Variants in XKR6 observed in about 807,000 individuals in gnomAD.
XKR6 encodes the protein XK related 6.
A neutral mutation model predicts 56.7 loss-of-function variants in XKR6; 22 were observed. The observed-to-expected ratio is 0.39, with a 90% CI of 0.28 to 0.55. XKR6 has a LOEUF of 0.55. Ranked by LOEUF, XKR6 falls within the 20% of genes least tolerant of loss-of-function variation. The probability of loss-of-function intolerance (pLI) is 0.66; values close to 1 mark genes in which losing one functional copy is unlikely to be tolerated. For synonymous variants in XKR6, 524 were observed against 387.8 expected (o/e 1.35, Z -4.13); for missense variants, 852 against 889.0 (o/e 0.96, Z 0.53).
chr8:11,051,217 T>G (rs1799539385), intron 1 of XKR6, among the ~76,000 whole-genome samples: 1 of 152,072 alleles, frequency 6.6e-6, no homozygotes, highest in South Asian at 2.1e-4. Context: ...TCTTCCTGGT[T>G]TGCTTCTAGC....
chr8:11,058,767 T>C (rs1243590618), intron 1 of XKR6, among the ~76,000 whole-genome samples: 1 of 152,122 alleles, frequency 6.6e-6, no homozygotes, highest in Non-Finnish European at 1.5e-5. Flanking sequence ...GGCGGGTTGA[T>C]AGGTGCAACA....
At chr8:11,148,773 A>C (rs1487853512) in intron 1 of XKR6, among the ~76,000 whole-genome samples, 1 of 152,252 alleles carries the variant, frequency 6.6e-6, no homozygotes, top group Non-Finnish European at 1.5e-5. Flanking sequence ...TGCAGACAAC[A>C]CAAGTATCCA....
intron 1 of XKR6, among the ~76,000 whole-genome samples, chr8:11,171,037 T>C (rs1177023953): frequency 6.6e-6 from 1 of 152,246 alleles, no homozygotes; most frequent in African/African-American, 2.4e-5. Flanking sequence ...TTAGAAATCA[T>C]GAAAAAGAAC....
At chr8:11,096,499 T>C (rs1243152867) in intron 1 of XKR6, among the ~76,000 whole-genome samples, 10 of 152,262 alleles carry the variant, frequency 6.6e-5, no homozygotes. Context: ...ATTAGAATAC[T>C]GCACAACGAA....
At chr8:11,100,916 G>A (rs1402071148) in intron 1 of XKR6, among the ~76,000 whole-genome samples, 2 of 152,196 alleles carry the variant, frequency 1.3e-5, no homozygotes, top group African/African-American at 4.8e-5. Context: ...CCGGGGGCAT[G>A]CACTTTATGG....
intron 1 of XKR6, among the ~76,000 whole-genome samples, chr8:11,152,809 A>G (rs912502036): frequency 5.9e-5 from 9 of 152,212 alleles, no homozygotes; most frequent in Non-Finnish European, 8.8e-5. Flanking sequence ...ATAAACAAAT[A>G]TAATTATCCA....
rs139655402 is a variant in XKR6 at position 11,144,878 on chromosome 8, A to AGAGAAGGGGAAGGGGAAG, written c.764+55680_764+55697dup. 8.9e-5 allele frequency among the ~76,000 whole-genome samples: 13 copies of AGAGAAGGGGAAGGGGAAG among 146,136 alleles called. No homozygotes were observed. The South Asian group carries it at 1.4e-3, about 15-fold the overall frequency. ...AAGGGAGGGGTAGGGAGGGGAAAGG[A>AGAGAAGGGGAAGGGGAAG]GAGAAGGGGAAGGGGAAGGAGAAGG... On this transcript the variant is annotated intron_variant, in intron 1 of 2. Coordinates refer to ENST00000416569, the MANE Select transcript of XKR6 (RefSeq NM_173683.4).
chr8:11,038,338 G>C (rs766939180), intron 1 of XKR6, among the ~76,000 whole-genome samples: 1 of 152,186 alleles, frequency 6.6e-6, no homozygotes, highest in African/African-American at 2.4e-5. Flanking sequence ...TAAGGAGTCT[G>C]AGTCCTTATG....
rs189231758 is a variant in XKR6, at chr8:10,972,482, T to G, written c.765-47652A>C. Among the ~76,000 whole-genome samples the G allele has an allele frequency of 6.7e-4, 102 of 152,318 alleles. 1 individual carries two copies. The highest frequency in any genetic ancestry group is 2.4e-3 in the African/African-American group (99 of 41,560). Reference sequence around the variant, plus strand: ...AAGCTTGCTAATGGGCACTCCCGACTGAAGAATGGATGGCTGAGCAAAATC... The same window carrying G: ...AAGCTTGCTAATGGGCACTCCCGACGGAAGAATGGATGGCTGAGCAAAATC... On this transcript the variant is annotated intron_variant, in intron 1 of 2. Transcript: ENST00000416569.
At chr8:11,001,930 C>T (rs1798248791) in intron 1 of XKR6, among the ~76,000 whole-genome samples, 1 of 152,136 alleles carries the variant, frequency 6.6e-6, no homozygotes, top group African/African-American at 2.4e-5. Flanking sequence ...CCCACCATAC[C>T]CGTTGCTCCC....
intron 1 of XKR6, among the ~76,000 whole-genome samples, chr8:11,179,110 G>A (rs1342577618): frequency 1.4e-5 from 2 of 145,062 alleles, no homozygotes; most frequent in Non-Finnish European, 3.0e-5. Context: ...TCCCGCATCA[G>A]CCTCCCAAAG....
chr8:11,091,939 T>C (rs1798085496), intron 1 of XKR6, among the ~76,000 whole-genome samples: 1 of 152,208 alleles, frequency 6.6e-6, no homozygotes, highest in South Asian at 2.1e-4. Flanking sequence ...AAGCGTTATA[T>C]TTCTTATACA....
chr8:11,112,787 A>G (rs933902245), intron 1 of XKR6, among the ~76,000 whole-genome samples: 4 of 152,230 alleles, frequency 2.6e-5, no homozygotes, highest in Non-Finnish European at 4.4e-5. Flanking sequence ...CCAGATTTCC[A>G]TGGCCAGCTT....
At chr8:11,035,060 AT>A in intron 1 of XKR6, 1 of 406,798 alleles carries the variant, frequency 2.5e-6, no homozygotes, top group Non-Finnish European at 5.1e-6. Context: ...CCAGTTACTG[AT>A]TCTTTCTGAG....
At chr8:11,085,354 T>C (rs572723014) in intron 1 of XKR6, among the ~76,000 whole-genome samples, 1 of 152,258 alleles carries the variant, frequency 6.6e-6, no homozygotes, top group East Asian at 1.9e-4. Flanking sequence ...TGGGGTGCGG[T>C]TGCTGCTCTC....
At chr8:11,042,829 C>A (rs562744073) in intron 1 of XKR6, among the ~76,000 whole-genome samples, 20 of 152,364 alleles carry the variant, frequency 1.3e-4, no homozygotes, top group African/African-American at 4.8e-4. Flanking sequence ...CCTTCCATGG[C>A]CCCTGCCTTG....
Position 10,898,850 on chromosome 8 carries a change from C to T in XKR6, c.1028G>A (p.Arg343Gln), listed in dbSNP as rs1799958467. The T allele has an allele frequency of 3.7e-6, 6 of 1,614,048 alleles. No homozygotes were observed. The highest frequency in any genetic ancestry group is 4.2e-6 in the Non-Finnish European group (5 of 1,179,998). The change falls in exon 3 of 3, where the codon CGG (arginine) becomes CAG (glutamine). Residue 343 changes from arginine to glutamine, a missense_variant. Physicochemically the swap from Arg to Gln is conservative, Grantham distance 43 (BLOSUM62 1). This residue lies in a region of XKR6 where 199 missense variants were observed against 280.4 expected (regional missense o/e 0.71). Transcript: ENST00000416569. This position sits in a 1 kb window ranked among gnomAD's most constrained non-coding sequence, Gnocchi z 6.6. The stretch of plus-strand genomic sequence containing the variant: ...GCTCTTCTTGTCGTCCCTGGAGTCC[C>T]GCAGCAGCTTGTGATAGGAGGCTAG... Reference protein sequence around the residue: ...WVLASYHKLLRDSRDDKKSMS... With the variant: ...WVLASYHKLLQDSRDDKKSMS...
intron 1 of XKR6, among the ~76,000 whole-genome samples, chr8:11,028,112 G>T (rs1162385123): frequency 1.3e-5 from 2 of 151,698 alleles, no homozygotes; most frequent in Admixed American, 6.6e-5. Context: ...CCTGTGCTTG[G>T]CCTGTTCATC....
At chr8:11,003,804 T>C (rs944603330) in intron 1 of XKR6, among the ~76,000 whole-genome samples, 11 of 152,196 alleles carry the variant, frequency 7.2e-5, no homozygotes, top group African/African-American at 2.7e-4. Flanking sequence ...AACAGGCATA[T>C]GTATGGAGGA....
Sources: allele counts gnomAD v4.1 joint callset (sites outside exome capture counted in the v4.1 genomes callset), GRCh38; gene constraint gnomAD v4.1.1; regional missense constraint gnomAD v4.1.1; non-coding constraint Gnocchi (gnomAD v3.1); transcripts MANE v1.5; gene names NCBI Gene and HGNC (gene_info 2026-07-23, HGNC 2026-07-21).